RASSF8: variants seen among roughly 807,000 people sequenced by gnomAD.
The protein encoded by RASSF8 is ras association domain-containing protein 8.
In RASSF8, 22 loss-of-function variants were observed where a neutral mutation model predicts 48.5. The ratio of observed to expected loss-of-function variants is 0.45; its 90% CI spans 0.32 to 0.65. The LOEUF is 0.65. Among genes scored for constraint, RASSF8 ranks in the 30% least tolerant of loss-of-function variants. The probability of loss-of-function intolerance (pLI) is 0.03; values close to 1 mark genes in which losing one functional copy is unlikely to be tolerated. For missense variants in RASSF8, 418 were observed against 489.2 expected (o/e 0.85, Z 1.37); for synonymous variants, 127 against 171.5 (o/e 0.74, Z 2.03).
rs1052966941 is a variant in RASSF8 at position 26,071,410 on chromosome 12, T to TA, written c.*2599dup. 9.1e-5 allele frequency: 84 copies of TA among 922,550 alleles called. No homozygotes were observed. In the East Asian group the frequency reaches 4.5e-3, roughly 49 times the overall value. 57.1% of individuals were successfully genotyped at this position (922,550 alleles called of 1,614,324 possible). On this transcript the variant is annotated 3_prime_UTR_variant, in exon 6 of 6. Coordinates refer to ENST00000689635, the MANE Select transcript of RASSF8 (RefSeq NM_001394098.1). Reference sequence around the variant, plus strand: ...AGATTTCAATGTTTTGTGTTTTTTTTAAAAAAATCATATTGCAACTTGTTT... The same window carrying TA: ...AGATTTCAATGTTTTGTGTTTTTTTTAAAAAAAATCATATTGCAACTTGTTT...
Position 25,958,824 on chromosome 12 carries a change from C to T in RASSF8, c.-527C>T, listed in dbSNP as rs1592202872. ...TCGCCCAGCCTCGCCGAGCCTCGCC[C>T]TTCCCGCCCGCGGCGGCGTTGGCGC... is the stretch of plus-strand genomic sequence containing the variant. On this transcript the variant is annotated 5_prime_UTR_variant, in exon 1 of 6. Transcript: ENST00000689635. 6.8e-6 allele frequency: 1 copy of T among 147,356 alleles called. No homozygotes were observed. Among genetic ancestry groups the T allele is most frequent in the African/African-American group, 2.4e-5 (1 of 41,104 alleles). 9.1% of individuals were successfully genotyped at this position (147,356 alleles called of 1,614,324 possible). A position where few individuals can be genotyped will look rare whatever the true frequency, so the allele number is the denominator to read the frequency against.
chr12:26,039,801 A>G (rs1943226640), intron 2 of RASSF8, among the ~76,000 whole-genome samples: 1 of 152,218 alleles, frequency 6.6e-6, no homozygotes, highest in African/African-American at 2.4e-5. Context: ...CTTGTTATTT[A>G]CTTTTTGAGT....
In RASSF8 at chr12:26,065,213, A is replaced by G; in HGVS notation, c.819A>G (p.Glu273=). ...AQIRTMESGL[E]AEKLQREVQE... ...TCCGGACTATGGAAAGTGGTCTTGA[A>G]GCAGAAAAATTGCAACGGGAAGTTC... The change falls in exon 4 of 6, where the codon GAA becomes GAG. Residue 273 remains glutamate (E), a synonymous_variant. Transcript: ENST00000689635. 6.2e-7 allele frequency: 1 copy of G among 1,614,212 alleles called. No homozygotes were observed. Among genetic ancestry groups the G allele is most frequent in the Non-Finnish European group, 8.5e-7 (1 of 1,180,036 alleles).
Position 26,064,766 on chromosome 12 carries a change from A to G in RASSF8, c.372A>G (p.Glu124=). ...PQIDKSIKRR[E]PKRKSLTFTG... ...TTGACAAATCAATCAAAAGGAGGGA[A>G]CCGAAAAGGAAATCACTGACATTTA... The change falls in exon 4 of 6, where the codon GAA becomes GAG. Residue 124 remains glutamate (E), a synonymous_variant. Coordinates refer to ENST00000689635, the MANE Select transcript of RASSF8 (RefSeq NM_001394098.1). 6.2e-7 allele frequency: 1 copy of G among 1,614,200 alleles called. No homozygotes were observed. The highest frequency in any genetic ancestry group is 8.5e-7 in the Non-Finnish European group (1 of 1,180,032).
chr12:26,053,942 A>G (rs1943547907), intron 2 of RASSF8, among the ~76,000 whole-genome samples: 1 of 152,188 alleles, frequency 6.6e-6, no homozygotes, highest in Non-Finnish European at 1.5e-5. Flanking sequence ...ATGGCCTAGA[A>G]CTGTCTTAGG....
intron 1 of RASSF8, among the ~76,000 whole-genome samples, chr12:25,975,514 G>T (rs7964657): frequency 0.36 from 54,661 of 152,082 alleles, 11,182 homozygotes; most frequent in Non-Finnish European, 0.46. Context: ...ATACTGCTCA[G>T]TGTCTTCCAG....
At chr12:25,978,746 T>C (rs1431291327) in intron 1 of RASSF8, among the ~76,000 whole-genome samples, 1 of 151,882 alleles carries the variant, frequency 6.6e-6, no homozygotes, top group Non-Finnish European at 1.5e-5. Flanking sequence ...GTCATTCTGG[T>C]GGCATTATTT....
chr12:26,028,723 A>G (rs936236130), intron 2 of RASSF8, among the ~76,000 whole-genome samples: 1 of 152,166 alleles, frequency 6.6e-6, no homozygotes, highest in Non-Finnish European at 1.5e-5. Flanking sequence ...GGAAGAGTGT[A>G]CTGGGTATAT....
At chr12:25,997,893 C>G (rs1465347326) in intron 2 of RASSF8, among the ~76,000 whole-genome samples, 1 of 152,116 alleles carries the variant, frequency 6.6e-6, no homozygotes, top group Non-Finnish European at 1.5e-5. Context: ...TGCTTTGAAA[C>G]TTCCCTAGTA....
chr12:26,052,191 C>T (rs1943505771), intron 2 of RASSF8, among the ~76,000 whole-genome samples: 1 of 152,172 alleles, frequency 6.6e-6, no homozygotes, highest in Non-Finnish European at 1.5e-5. Context: ...AAATTTTTAG[C>T]AACTAGGTAG....
At chr12:25,966,023 A>G (rs1227901096) in intron 1 of RASSF8, among the ~76,000 whole-genome samples, 2 of 152,206 alleles carry the variant, frequency 1.3e-5, no homozygotes, top group African/African-American at 4.8e-5. Flanking sequence ...ATAGACATAT[A>G]CTTTCATTTA....
intron 2 of RASSF8, among the ~76,000 whole-genome samples, chr12:25,996,499 AT>A (rs1942137245): frequency 6.6e-6 from 1 of 152,164 alleles, no homozygotes; most frequent in Non-Finnish European, 1.5e-5. Context: ...GGGTTTGAAC[AT>A]TTTAGTTGTT....
At position 26,064,847 on chromosome 12, in the gene RASSF8, TA is replaced by T; in HGVS notation, c.455del (p.Lys152SerfsTer5). On this transcript the variant is annotated frameshift_variant, in exon 4 of 6. Transcript: ENST00000689635. LOFTEE classifies it high-confidence loss of function. ...IFGKGKETEF[K>X]QKVLNNCKTT... ...TTGGAAAAGGTAAAGAAACTGAGTT[TA>T]AGCAAAAGGTGCTGAATAACTGCAA... is the stretch of plus-strand genomic sequence containing the variant. The T allele has an allele frequency of 1.2e-6, 2 of 1,614,190 alleles. No individual in the cohort carries two copies. The highest frequency in any genetic ancestry group is 1.7e-6 in the Non-Finnish European group (2 of 1,180,040).
intron 2 of RASSF8, among the ~76,000 whole-genome samples, chr12:26,000,982 C>CTTTTTTTTTT (rs34793650): frequency 8.6e-5 from 7 of 81,054 alleles, no homozygotes; most frequent in Non-Finnish European, 1.3e-4. Flanking sequence ...TTAAAATTTC[C>CTTTTTTTTTT]TTTTTTTTTT....
Position 26,071,426 on chromosome 12 carries a change from C to G in RASSF8, c.*2608C>G. On this transcript the variant is annotated 3_prime_UTR_variant, in exon 6 of 6. Transcript: ENST00000689635. The stretch of plus-strand genomic sequence containing the variant: ...TGTTTTTTTTAAAAAAATCATATTG[C>G]AACTTGTTTTATTGTGATTTTCTAC... 1.1e-6 allele frequency: 1 copy of G among 940,416 alleles called. No individual in the cohort carries two copies. Among genetic ancestry groups the G allele is most frequent in the Non-Finnish European group, 1.3e-6 (1 of 789,298 alleles). 58.3% of individuals were successfully genotyped at this position (940,416 alleles called of 1,614,324 possible).
Position 25,981,333 on chromosome 12 carries a change from T to C in RASSF8, c.-202-13704T>C, listed in dbSNP as rs1362627566. On this transcript the variant is annotated intron_variant, in intron 1 of 5. Transcript: ENST00000689635. ...ATGCAGTTTATATAGCATTTTCACT[T>C]AGTGTCCCCCTGCTCAACAGTCTCC... Among the ~76,000 whole-genome samples, 4 of 152,208 alleles carry C rather than the reference T, an allele frequency of 2.6e-5. No homozygotes were observed. In the South Asian group the frequency reaches 8.3e-4, roughly 32 times the overall value.
Position 26,069,341 on chromosome 12 carries a change from A to G in RASSF8, c.*523A>G. Reference sequence around the variant, plus strand: ...CACAAGTGTCCTAGGGTGCTCCACCATCGAAGCTAACTCCACAGGAAGCCA... The same window carrying G: ...CACAAGTGTCCTAGGGTGCTCCACCGTCGAAGCTAACTCCACAGGAAGCCA... On this transcript the variant is annotated 3_prime_UTR_variant, in exon 6 of 6. Coordinates refer to ENST00000689635, the MANE Select transcript of RASSF8 (RefSeq NM_001394098.1). 1 of 984,970 alleles carries G rather than the reference A, an allele frequency of 1.0e-6. No individual in the cohort carries two copies. The highest frequency in any genetic ancestry group is 1.2e-6 in the Non-Finnish European group (1 of 829,492). 61.0% of individuals were successfully genotyped at this position (984,970 alleles called of 1,614,324 possible). A position where few individuals can be genotyped will look rare whatever the true frequency, so the allele number is the denominator to read the frequency against.
chr12:25,968,014 T>C (rs706525), intron 1 of RASSF8, among the ~76,000 whole-genome samples: 136,516 of 152,240 alleles, frequency 0.9, 61,354 homozygotes, highest in East Asian at 0.99. Context: ...TCCTTGACTT[T>C]TTGCTTTGGG....
At chr12:26,034,118 T>C (rs1943081869) in intron 2 of RASSF8, among the ~76,000 whole-genome samples, 1 of 151,876 alleles carries the variant, frequency 6.6e-6, no homozygotes, top group South Asian at 2.1e-4. Context: ...TGTGGCTGCC[T>C]CACAAAGGTG....
Sources: gnomAD v4.1 joint callset for allele counts (sites outside exome capture counted in the v4.1 genomes callset) on GRCh38, gnomAD v4.1.1 for gene constraint, MANE v1.5 for transcripts, NCBI Gene and HGNC (gene_info 2026-07-23, HGNC 2026-07-21) for gene names.